Variants in CDC14A observed in about 807,000 individuals in gnomAD.
CDC14A encodes the protein cell division cycle 14A, also known as dual specificity protein phosphatase CDC14A.
Under a neutral mutation model 74.4 loss-of-function variants are expected in CDC14A, and 53 were observed. That is an observed-to-expected ratio of 0.71 (90% CI 0.57 to 0.89). The LOEUF is 0.89. Ranked by LOEUF, CDC14A falls within the 40% of genes least tolerant of loss-of-function variation. The probability of loss-of-function intolerance (pLI) is 0.00; values close to 1 mark genes in which losing one functional copy is unlikely to be tolerated. For synonymous variants in CDC14A, 247 were observed against 258.4 expected (o/e 0.96, Z 0.43); for missense variants, 646 against 713.7 (o/e 0.91, Z 1.08).
At chr1:100,463,599 A>C (rs1443259614) in intron 9 of CDC14A, among the ~76,000 whole-genome samples, 3 of 152,254 alleles carry the variant, frequency 2.0e-5, no homozygotes, top group Non-Finnish European at 2.9e-5. Context: ...TTAGATAAAC[A>C]ATGAATACTT....
chr1:100,458,681 T>A (rs1043346021), intron 8 of CDC14A, among the ~76,000 whole-genome samples: 12 of 143,100 alleles, frequency 8.4e-5, no homozygotes, highest in Non-Finnish European at 1.2e-4. Flanking sequence ...TACAGTGACG[T>A]CTTGGTAATT....
upstream of CDC14A, among the ~76,000 whole-genome samples, chr1:100,350,650 C>T (rs1292977472): frequency 3.3e-5 from 5 of 151,202 alleles, no homozygotes; most frequent in East Asian, 9.8e-4. Flanking sequence ...AGACTATTTA[C>T]TTTGTGCAAT....
rs77103798 is a variant in CDC14A at position 100,369,117 on chromosome 1, G to A, written c.141-8429G>A. ...TTTTGAGATGGAGTCTCGCTCTGTC[G>A]CCAGGCTGGAGTGCAGTGGCGCAAT... On this transcript the variant is annotated intron_variant, in intron 2 of 15. Coordinates refer to ENST00000336454, the MANE Select transcript of CDC14A (RefSeq NM_003672.4). 1.6e-4 allele frequency among the ~76,000 whole-genome samples: 24 copies of A among 146,644 alleles called. No individual in the cohort carries two copies. The East Asian group carries it at 2.8e-3, about 17-fold the overall frequency.
Position 100,377,580 on chromosome 1 carries a change from A to G in CDC14A, c.175A>G (p.Met59Val). Reference protein sequence around the residue: ...YADFGPLNLAMVYRYCCKLNK... With the variant: ...YADFGPLNLAVVYRYCCKLNK... Reference sequence around the variant, plus strand: ...AGATTTTGGACCGCTGAACTTGGCAATGGTGTACAGATATTGCTGCAAACT... The same window carrying G: ...AGATTTTGGACCGCTGAACTTGGCAGTGGTGTACAGATATTGCTGCAAACT... Residue 59 changes from methionine to valine, a missense_variant, in exon 3 of 16, where the codon ATG (methionine) becomes GTG (valine). By Grantham distance (21) the Met-to-Val change is conservative. Coordinates refer to ENST00000336454, the MANE Select transcript of CDC14A (RefSeq NM_003672.4). 2.5e-6 allele frequency: 4 copies of G among 1,613,790 alleles called. No homozygotes were observed. The highest frequency in any genetic ancestry group is 1.1e-5 in the South Asian group (1 of 91,044).
rs1034876948 is a variant in CDC14A, at chr1:100,518,339, G to A, written c.*59G>A. On this transcript the variant is annotated 3_prime_UTR_variant, in exon 16 of 16. Coordinates refer to ENST00000336454, the MANE Select transcript of CDC14A (RefSeq NM_003672.4). Reference sequence around the variant, plus strand: ...TTAGACACAATTTCTTCATCTGGACGAGCAGTGGAGAGGGAAAGCAACTTC... The same window carrying A: ...TTAGACACAATTTCTTCATCTGGACAAGCAGTGGAGAGGGAAAGCAACTTC... 2.0e-5 allele frequency: 28 copies of A among 1,385,166 alleles called. No homozygotes were observed. Among genetic ancestry groups the A allele is most frequent in the African/African-American group, 8.5e-5 (6 of 70,326 alleles). 85.8% of individuals were successfully genotyped at this position (1,385,166 alleles called of 1,614,324 possible).
intron 9 of CDC14A, among the ~76,000 whole-genome samples, chr1:100,463,799 A>G (rs1667541162): frequency 6.6e-6 from 1 of 152,148 alleles, no homozygotes; most frequent in Admixed American, 6.5e-5. Context: ...GAAATATTCC[A>G]GATATTTTAC....
upstream of CDC14A, among the ~76,000 whole-genome samples, chr1:100,351,210 A>T (rs1287111289): frequency 9.9e-6 from 1 of 101,360 alleles, no homozygotes; most frequent in Non-Finnish European, 2.3e-5. Flanking sequence ...AACACACATT[A>T]AAAAAAAAAA....
chr1:100,391,333 C>A (rs1210625353), intron 4 of CDC14A, among the ~76,000 whole-genome samples: 1 of 152,116 alleles, frequency 6.6e-6, no homozygotes, highest in East Asian at 1.9e-4. Flanking sequence ...ATTATAGCTT[C>A]CCTAATAACT....
intron 14 of CDC14A, among the ~76,000 whole-genome samples, chr1:100,498,725 GCAA>G (rs1648259464): frequency 6.6e-6 from 1 of 152,128 alleles, no homozygotes; most frequent in African/African-American, 2.4e-5. Flanking sequence ...TTTTGACAAA[GCAA>G]CTTGATATGT....
chr1:100,351,765 C>T (rs562726176), upstream of CDC14A: 3 of 1,550,608 alleles, frequency 1.9e-6, no homozygotes, highest in Non-Finnish European at 2.6e-6. Flanking sequence ...AGATGGGAAA[C>T]TTTTTGTCCC....
chr1:100,513,247 A>G (rs1014709555), intron 15 of CDC14A, among the ~76,000 whole-genome samples: 2 of 151,896 alleles, frequency 1.3e-5, no homozygotes, highest in Non-Finnish European at 2.9e-5. Context: ...TTTGTTCATT[A>G]AAACTTAAAA....
chr1:100,483,814 G>A (rs1479241786), intron 10 of CDC14A, among the ~76,000 whole-genome samples: 1 of 152,200 alleles, frequency 6.6e-6, no homozygotes, highest in Non-Finnish European at 1.5e-5. Flanking sequence ...ATGTGTGAGG[G>A]CCTTTCATGG....
intron 2 of CDC14A, among the ~76,000 whole-genome samples, chr1:100,368,189 C>T (rs1653932474): frequency 1.3e-5 from 2 of 152,168 alleles, no homozygotes; most frequent in Non-Finnish European, 2.9e-5. Context: ...TCATCTTGAT[C>T]AGTATTGTCC....
intron 4 of CDC14A, among the ~76,000 whole-genome samples, chr1:100,407,619 C>G (rs910110283): frequency 6.6e-6 from 1 of 152,004 alleles, no homozygotes. Context: ...GATGGTGTCT[C>G]CTAGATATAG....
intron 13 of CDC14A, among the ~76,000 whole-genome samples, chr1:100,497,861 C>T (rs989537707): frequency 3.3e-5 from 5 of 152,096 alleles, no homozygotes; most frequent in African/African-American, 9.7e-5. Flanking sequence ...TTAGCTACTT[C>T]TTAGGGTTGT....
intron 15 of CDC14A, among the ~76,000 whole-genome samples, chr1:100,504,455 TC>T (rs1203321317): frequency 6.6e-6 from 1 of 152,204 alleles, no homozygotes; most frequent in Non-Finnish European, 1.5e-5. Context: ...GCAAACTTTT[TC>T]TGTAAAGGGC....
intron 1 of CDC14A, among the ~76,000 whole-genome samples, chr1:100,353,436 T>C (rs746426227): frequency 6.6e-6 from 1 of 152,144 alleles, no homozygotes; most frequent in African/African-American, 2.4e-5. Flanking sequence ...TTCTTCCCCT[T>C]CTCGCAGCTG....
chr1:100,400,871 T>C (rs1659167178), intron 4 of CDC14A, among the ~76,000 whole-genome samples: 1 of 152,170 alleles, frequency 6.6e-6, no homozygotes, highest in Non-Finnish European at 1.5e-5. Context: ...TTTTCAGTTT[T>C]TTTTTCTTTT....
intron 7 of CDC14A, among the ~76,000 whole-genome samples, chr1:100,454,787 T>C (rs1239511388): frequency 6.6e-6 from 1 of 152,176 alleles, no homozygotes; most frequent in East Asian, 1.9e-4. Flanking sequence ...TCTCATTAGC[T>C]GGAGTGGAGG....
Sources: gnomAD v4.1 joint callset for allele counts (sites outside exome capture counted in the v4.1 genomes callset) on GRCh38, gnomAD v4.1.1 for gene constraint, MANE v1.5 for transcripts, NCBI Gene and HGNC (gene_info 2026-07-23, HGNC 2026-07-21) for gene names.